The following HS3ST4 variants were observed in gnomAD, a reference collection of about 807,000 sequenced individuals.
HS3ST4 encodes heparan sulfate glucosamine 3-O-sulfotransferase 4.
Under a neutral mutation model 29.2 loss-of-function variants are expected in HS3ST4, and 17 were observed. The observed-to-expected ratio is 0.58, with a 90% CI of 0.40 to 0.87. The LOEUF is 0.87. HS3ST4 is among the 40% of genes least tolerant of loss of function. The pLI is 0.00. For synonymous variants in HS3ST4, 314 were observed against 285.7 expected (o/e 1.10, Z -1.00); for missense variants, 627 against 634.5 (o/e 0.99, Z 0.13).
rs150961269 is a variant in HS3ST4 at position 26,136,434 on chromosome 16, T to A, written c.*186T>A. ...ACAGGTGGATCCCATGGCATCCCCATGGAGGAACCAGGCCCATCTGGGCAG... is the reference window on the plus strand; with the variant it reads ...ACAGGTGGATCCCATGGCATCCCCAAGGAGGAACCAGGCCCATCTGGGCAG... On this transcript the variant is annotated 3_prime_UTR_variant, in exon 2 of 2. Coordinates refer to ENST00000331351, the MANE Select transcript of HS3ST4 (RefSeq NM_006040.3). The A allele has an allele frequency of 1.3e-4, 78 of 619,040 alleles. No homozygotes were observed. The East Asian group carries it at 2.1e-3, about 16-fold the overall frequency. 38.3% of individuals were successfully genotyped at this position (619,040 alleles called of 1,614,324 possible). A position where few individuals can be genotyped will look rare whatever the true frequency, so the allele number is the denominator to read the frequency against.
intron 1 of HS3ST4, among the ~76,000 whole-genome samples, chr16:25,715,678 T>G (rs985998357): frequency 6.6e-6 from 1 of 152,222 alleles, no homozygotes; most frequent in South Asian, 2.1e-4. Context: ...TTTTCCGAAG[T>G]GAATTGGAGC....
chr16:25,854,437 A>G (rs1286023779), intron 1 of HS3ST4, among the ~76,000 whole-genome samples: 6 of 152,172 alleles, frequency 3.9e-5, no homozygotes, highest in Non-Finnish European at 8.8e-5. Flanking sequence ...TTTCATCACC[A>G]TCTTGGTTTT....
intron 1 of HS3ST4, among the ~76,000 whole-genome samples, chr16:25,996,035 A>G (rs973948317): frequency 6.6e-6 from 1 of 152,022 alleles, no homozygotes; most frequent in Admixed American, 6.6e-5. Flanking sequence ...ATTTGTAGAT[A>G]AGATGGACCA....
chr16:26,013,177 A>G lies in HS3ST4; in HGVS notation c.735-122435A>G, dbSNP rs527828904. On this transcript the variant is annotated intron_variant, in intron 1 of 1. Coordinates refer to ENST00000331351, the MANE Select transcript of HS3ST4 (RefSeq NM_006040.3). ...GACTCTGTCAAAAATAAATAAATAC[A>G]TACATAAAATAAAAACAAAAAAAAC... Among the ~76,000 whole-genome samples, 31 of 152,206 alleles carry G rather than the reference A, an allele frequency of 2.0e-4. No homozygotes were observed. The South Asian group carries it at 2.9e-3, about 14-fold the overall frequency.
At chr16:26,108,212 C>CT (rs1413029177) in intron 1 of HS3ST4, among the ~76,000 whole-genome samples, 1 of 151,924 alleles carries the variant, frequency 6.6e-6, no homozygotes, top group Admixed American at 6.6e-5. Context: ...GATGTTGAGC[C>CT]TTTTTTCATA....
At chr16:26,036,399 C>T (rs931814044) in intron 1 of HS3ST4, among the ~76,000 whole-genome samples, 22 of 152,196 alleles carry the variant, frequency 1.4e-4, no homozygotes, top group Admixed American at 1.4e-3. Context: ...TAGGGTTAGA[C>T]GTGACCCTGC....
At chr16:25,839,057 A>G (rs1967388842) in intron 1 of HS3ST4, among the ~76,000 whole-genome samples, 1 of 152,242 alleles carries the variant, frequency 6.6e-6, no homozygotes, top group Non-Finnish European at 1.5e-5. Flanking sequence ...GACTGGCTAC[A>G]GTACAGGAAC....
intron 1 of HS3ST4, among the ~76,000 whole-genome samples, chr16:25,765,587 A>C (rs779625634): frequency 5.9e-5 from 9 of 152,146 alleles, no homozygotes; most frequent in Non-Finnish European, 1.2e-4. Context: ...TCCTCAGCTA[A>C]GGGCTGTGAC....
rs9926922 is a variant in HS3ST4, at chr16:25,809,223, A to G, written c.734+116072A>G. On this transcript the variant is annotated intron_variant, in intron 1 of 1. Coordinates refer to ENST00000331351, the MANE Select transcript of HS3ST4 (RefSeq NM_006040.3). Reference sequence around the variant, plus strand: ...TTCACCACTAAGTATGATGTTATGTATAGGTTTTTGTGGATTATCTTTATT... The same window carrying G: ...TTCACCACTAAGTATGATGTTATGTGTAGGTTTTTGTGGATTATCTTTATT... Among the ~76,000 whole-genome samples the G allele has an allele frequency of 2.4e-3, 369 of 152,246 alleles. 3 individuals carry two copies. The highest frequency in any genetic ancestry group is 8.1e-3 in the African/African-American group (335 of 41,576).
chr16:25,956,571 T>C (rs1366953219), intron 1 of HS3ST4, among the ~76,000 whole-genome samples: 1 of 152,174 alleles, frequency 6.6e-6, no homozygotes, highest in Non-Finnish European at 1.5e-5. Context: ...CAAATACTCC[T>C]CCAAAAGATG....
intron 1 of HS3ST4, among the ~76,000 whole-genome samples, chr16:25,733,805 G>T (rs1966588081): frequency 6.6e-6 from 1 of 152,138 alleles, no homozygotes; most frequent in Non-Finnish European, 1.5e-5. Flanking sequence ...TGTGAGTTAG[G>T]CTGGATTCTT....
intron 1 of HS3ST4, among the ~76,000 whole-genome samples, chr16:25,936,587 A>T (rs898879184): frequency 2.6e-5 from 4 of 152,238 alleles, no homozygotes; most frequent in Admixed American, 2.6e-4. Flanking sequence ...ATTAATAAAG[A>T]TCATAAAAAA....
intron 1 of HS3ST4, among the ~76,000 whole-genome samples, chr16:25,920,910 G>T (rs531672876): frequency 2.0e-5 from 3 of 152,094 alleles, no homozygotes; most frequent in East Asian, 1.9e-4. Flanking sequence ...GAGCCACCAC[G>T]CCCAGCCTGA....
chr16:25,792,149 T>G (rs1966870635), intron 1 of HS3ST4, among the ~76,000 whole-genome samples: 1 of 151,952 alleles, frequency 6.6e-6, no homozygotes, highest in Non-Finnish European at 1.5e-5. Context: ...TTACTTTGAT[T>G]GTTTTTTGAA....
intron 1 of HS3ST4, among the ~76,000 whole-genome samples, chr16:26,108,011 T>G (rs1475334553): frequency 2.6e-5 from 4 of 152,032 alleles, no homozygotes; most frequent in Non-Finnish European, 4.4e-5. Flanking sequence ...AAATAGAGGT[T>G]TTCTATTTTC....
At chr16:26,093,325 C>T (rs548437262) in intron 1 of HS3ST4, among the ~76,000 whole-genome samples, 1 of 104,974 alleles carries the variant, frequency 9.5e-6, no homozygotes, top group East Asian at 2.3e-4. Flanking sequence ...AACTGGGAGA[C>T]ATCTCCCAGT....
At chr16:26,122,295 G>T (rs915195701) in intron 1 of HS3ST4, among the ~76,000 whole-genome samples, 37 of 151,890 alleles carry the variant, frequency 2.4e-4, no homozygotes, top group African/African-American at 8.7e-4. Flanking sequence ...GCATTTTAAG[G>T]GATTATTGAA....
At chr16:25,829,305 G>A (rs1967270262) in intron 1 of HS3ST4, among the ~76,000 whole-genome samples, 1 of 152,224 alleles carries the variant, frequency 6.6e-6, no homozygotes, top group Non-Finnish European at 1.5e-5. Flanking sequence ...AAGACATTTT[G>A]CCCTAAATGT....
At chr16:25,758,409 T>C (rs1233036498) in intron 1 of HS3ST4, among the ~76,000 whole-genome samples, 4 of 152,212 alleles carry the variant, frequency 2.6e-5, no homozygotes, top group Admixed American at 2.0e-4. Context: ...GTCAGGACTG[T>C]TGAGCGTACC....
Sources: allele counts gnomAD v4.1 joint callset (sites outside exome capture counted in the v4.1 genomes callset), GRCh38; gene constraint gnomAD v4.1.1; transcripts MANE v1.5; gene names NCBI Gene and HGNC (gene_info 2026-07-23, HGNC 2026-07-21).